The following ULK4 variants were observed in gnomAD, a reference collection of about 807,000 sequenced individuals.
ULK4 encodes the protein inactive serine/threonine-protein kinase ULK4.
In ULK4, 133 loss-of-function variants were observed where a neutral mutation model predicts 160.6. The observed-to-expected ratio is 0.83, with a 90% CI of 0.72 to 0.96. ULK4 has a LOEUF of 0.96. Ranked by LOEUF, ULK4 falls within the 40% of genes least tolerant of loss-of-function variation. The probability of loss-of-function intolerance (pLI) is 0.00; values close to 1 mark genes in which losing one functional copy is unlikely to be tolerated. For missense variants in ULK4, 1,580 were observed against 1,499.5 expected (o/e 1.05, Z -0.89); for synonymous variants, 534 against 539.8 (o/e 0.99, Z 0.15).
At chr3:41,948,621 T>A (rs760902570) in intron 2 of ULK4, among the ~76,000 whole-genome samples, 6 of 151,188 alleles carry the variant, frequency 4.0e-5, no homozygotes, top group Middle Eastern at 3.4e-3. Context: ...AAAAGATGGT[T>A]GAACATACGA....
chr3:41,858,716 G>C (rs1324788866), intron 17 of ULK4, among the ~76,000 whole-genome samples: 1 of 149,038 alleles, frequency 6.7e-6, no homozygotes, highest in African/African-American at 2.5e-5. Flanking sequence ...TGCTGCCCAG[G>C]ATGGTCTGGA....
chr3:41,804,273 A>G (rs2040565856), intron 19 of ULK4, among the ~76,000 whole-genome samples: 1 of 152,278 alleles, frequency 6.6e-6, no homozygotes, highest in African/African-American at 2.4e-5. Flanking sequence ...TTTTGCCTGC[A>G]TAAATGTCTT....
intron 35 of ULK4, among the ~76,000 whole-genome samples, chr3:41,360,343 T>A (rs146052740): frequency 4.6e-4 from 70 of 152,354 alleles, no homozygotes; most frequent in African/African-American, 1.7e-3. Context: ...CAACTCATTG[T>A]GGAAGACAGC....
intron 30 of ULK4, among the ~76,000 whole-genome samples, chr3:41,640,937 G>A (rs538477533): frequency 9.2e-5 from 14 of 152,278 alleles, no homozygotes; most frequent in African/African-American, 2.4e-4. Flanking sequence ...TATTTCCCAC[G>A]TCTTCAATCT....
At chr3:41,502,488 A>T (rs2085245330) in intron 32 of ULK4, among the ~76,000 whole-genome samples, 5 of 152,260 alleles carry the variant, frequency 3.3e-5, no homozygotes, top group Admixed American at 3.3e-4. Context: ...GTAAATACAA[A>T]GACTTACATG....
chr3:41,681,527 G>T lies in ULK4; in HGVS notation c.2959C>A (p.Arg987=). 1 of 1,613,936 alleles carries T rather than the reference G, an allele frequency of 6.2e-7. No homozygotes were observed. The highest frequency in any genetic ancestry group is 8.5e-7 in the Non-Finnish European group (1 of 1,179,942). The change falls in exon 29 of 37, where the codon CGA becomes AGA. Residue 987 remains arginine, a synonymous_variant. Coordinates refer to ENST00000301831, the MANE Select transcript of ULK4 (RefSeq NM_017886.4). ...ACTTACTGGGGAAGTAAGACATCTC[G>T]AATGAGAGCCAGAAGATTGCTGTCA... ...DSDSNLLALI[R]DVLLPQYEHI... is the part of the protein sequence containing the mutation.
chr3:41,845,821 C>T (rs2042057794), intron 17 of ULK4, among the ~76,000 whole-genome samples: 1 of 152,120 alleles, frequency 6.6e-6, no homozygotes, highest in African/African-American at 2.4e-5. Context: ...CACAACTGGG[C>T]ATGAATCCAC....
At chr3:41,573,729 T>G (rs922682804) in intron 31 of ULK4, among the ~76,000 whole-genome samples, 1 of 152,238 alleles carries the variant, frequency 6.6e-6, no homozygotes, top group Non-Finnish European at 1.5e-5. Flanking sequence ...ACAAATTTAC[T>G]GTTGCTCTAG....
intron 22 of ULK4, among the ~76,000 whole-genome samples, chr3:41,731,337 A>G (rs1169174080): frequency 1.3e-5 from 2 of 152,162 alleles, no homozygotes; most frequent in Non-Finnish European, 2.9e-5. Context: ...GCATTTCTAT[A>G]TATCAATAGC....
At chr3:41,828,894 T>C (rs2041467114) in intron 18 of ULK4, among the ~76,000 whole-genome samples, 1 of 151,992 alleles carries the variant, frequency 6.6e-6, no homozygotes, top group Admixed American at 6.6e-5. Context: ...GACTTCAAAC[T>C]ATACTACAAG....
chr3:41,755,524 C>T (rs2038769878), intron 21 of ULK4, among the ~76,000 whole-genome samples: 1 of 152,088 alleles, frequency 6.6e-6, no homozygotes, highest in African/African-American at 2.4e-5. Flanking sequence ...TCTACCTTTC[C>T]AGCAACTAGA....
chr3:41,648,210 G>A (rs2034594862), intron 30 of ULK4, among the ~76,000 whole-genome samples: 1 of 152,142 alleles, frequency 6.6e-6, no homozygotes, highest in African/African-American at 2.4e-5. Flanking sequence ...CCACTGTCCT[G>A]CGCCCACTGT....
At chr3:41,734,176 G>A (rs1287240257) in intron 22 of ULK4, among the ~76,000 whole-genome samples, 1 of 152,110 alleles carries the variant, frequency 6.6e-6, no homozygotes, top group African/African-American at 2.4e-5. Context: ...GCTTGGTTGG[G>A]GCAGTCTAGA....
intron 32 of ULK4, among the ~76,000 whole-genome samples, chr3:41,514,952 T>C (rs1346556940): frequency 6.6e-6 from 1 of 151,958 alleles, no homozygotes; most frequent in Non-Finnish European, 1.5e-5. Flanking sequence ...TTTCTATGAG[T>C]CACTAAAGAA....
At chr3:41,401,732 A>T (rs1027873374) in intron 34 of ULK4, among the ~76,000 whole-genome samples, 5 of 152,050 alleles carry the variant, frequency 3.3e-5, no homozygotes, top group Non-Finnish European at 7.4e-5. Context: ...TTCCACCCCA[A>T]TTTCTCAATT....
chr3:41,826,743 A>G (rs530688222), intron 18 of ULK4, among the ~76,000 whole-genome samples: 48 of 150,128 alleles, frequency 3.2e-4, no homozygotes, highest in Non-Finnish European at 5.2e-4. Flanking sequence ...AACATTAGAC[A>G]GATCAACGAG....
chr3:41,299,265 T>C (rs1438410152), intron 35 of ULK4, among the ~76,000 whole-genome samples: 3 of 152,122 alleles, frequency 2.0e-5, no homozygotes, highest in Non-Finnish European at 2.9e-5. Flanking sequence ...CCAGTTAAGA[T>C]CCCAGATATG....
At chr3:41,556,582 G>T (rs1191723653) in intron 32 of ULK4, among the ~76,000 whole-genome samples, 1 of 147,566 alleles carries the variant, frequency 6.8e-6, no homozygotes, top group Admixed American at 7.0e-5. Context: ...CCACCTCCTG[G>T]GTTCAAGCGA....
intron 35 of ULK4, among the ~76,000 whole-genome samples, chr3:41,320,120 C>G (rs1203902026): frequency 6.6e-6 from 1 of 152,120 alleles, no homozygotes; most frequent in East Asian, 1.9e-4. Flanking sequence ...CTGATTCTAG[C>G]TCTGCTGTTT....
Sources: gnomAD v4.1 joint callset for allele counts (sites outside exome capture counted in the v4.1 genomes callset) on GRCh38, gnomAD v4.1.1 for gene constraint, MANE v1.5 for transcripts, NCBI Gene and HGNC (gene_info 2026-07-23, HGNC 2026-07-21) for gene names.